Variants in CTNNA2 observed in about 807,000 individuals in gnomAD.
CTNNA2 encodes the protein catenin alpha-2.
A neutral mutation model predicts 101.0 loss-of-function variants in CTNNA2; 42 were observed. The observed-to-expected ratio is 0.42, with a 90% CI of 0.32 to 0.54. The LOEUF (loss-of-function observed/expected upper bound fraction) is 0.54. Ranked by LOEUF, CTNNA2 falls within the 20% of genes least tolerant of loss-of-function variation. The pLI, the probability that CTNNA2 is intolerant of heterozygous loss-of-function variation, is 0.14. For synonymous variants in CTNNA2, 450 were observed against 456.4 expected (o/e 0.99, Z 0.18); for missense variants, 871 against 1,223.1 (o/e 0.71, Z 4.29).
intron 7 of CTNNA2, among the ~76,000 whole-genome samples, chr2:80,356,735 A>C (rs1181590630): frequency 1.3e-5 from 2 of 152,136 alleles, no homozygotes; most frequent in Non-Finnish European, 2.9e-5. Context: ...GGAACCTCCA[A>C]GTATTTTTGT....
At chr2:79,968,686 C>A (rs1004096738) in intron 7 of CTNNA2, among the ~76,000 whole-genome samples, 3 of 152,136 alleles carry the variant, frequency 2.0e-5, no homozygotes, top group Non-Finnish European at 4.4e-5. Context: ...ACAATCCCCC[C>A]ACACAAAATA....
intron 1 of CTNNA2, among the ~76,000 whole-genome samples, chr2:79,604,351 T>A (rs1677745602): frequency 6.6e-6 from 1 of 152,218 alleles, no homozygotes; most frequent in East Asian, 1.9e-4. Context: ...GCCACTAGGC[T>A]TCAATGTACA....
chr2:79,464,016 G>A (rs554300701), intron 4 of CTNNA2, among the ~76,000 whole-genome samples: 2 of 151,822 alleles, frequency 1.3e-5, no homozygotes, highest in African/African-American at 2.4e-5. Flanking sequence ...TAAGTTCTAG[G>A]GTACATTGTG....
In CTNNA2 at chr2:79,925,950, G is replaced by A. The variant is rs116598854; in HGVS notation, c.1056+16153G>A. 7.2e-3 allele frequency among the ~76,000 whole-genome samples: 1,084 copies of A among 151,520 alleles called. 15 individuals carry two copies. Among genetic ancestry groups the A allele is most frequent in the African/African-American group, 0.025 (1,015 of 41,336 alleles). ...GGAGATATGAATTATTTAGATTTTC[G>A]GCCAATCTGTGATAATACTCATGGA... On this transcript the variant is annotated intron_variant, in intron 7 of 18. Transcript: ENST00000402739.
intron 7 of CTNNA2, among the ~76,000 whole-genome samples, chr2:80,392,869 A>G (rs746317231): frequency 1.3e-5 from 2 of 152,204 alleles, no homozygotes; most frequent in Non-Finnish European, 2.9e-5. Context: ...CACAATATAG[A>G]CACACAAAGC....
At chr2:79,742,102 T>G (rs1294032670) in intron 2 of CTNNA2, among the ~76,000 whole-genome samples, 1 of 152,192 alleles carries the variant, frequency 6.6e-6, no homozygotes, top group Admixed American at 6.5e-5. Flanking sequence ...CATGTTTTTC[T>G]TCCCCCCCAC....
At chr2:79,468,698 T>A (rs986433951) in intron 4 of CTNNA2, among the ~76,000 whole-genome samples, 8 of 152,148 alleles carry the variant, frequency 5.3e-5, no homozygotes, top group African/African-American at 1.9e-4. Context: ...CACAGTGCAA[T>A]CAAACTAGCA....
At chr2:79,353,182 G>C (rs917936797) in intron 3 of CTNNA2, among the ~76,000 whole-genome samples, 3 of 152,054 alleles carry the variant, frequency 2.0e-5, no homozygotes, top group Non-Finnish European at 4.4e-5. Flanking sequence ...CAAATATTTT[G>C]GTATGTTGTG....
intron 2 of CTNNA2, among the ~76,000 whole-genome samples, chr2:79,289,796 C>T (rs780493078): frequency 2.0e-5 from 3 of 152,136 alleles, no homozygotes; most frequent in Admixed American, 1.3e-4. Context: ...CTCTGTTTAA[C>T]TCCTTAATGT....
In CTNNA2 at chr2:80,523,842, C is replaced by T. The variant is rs558835443; in HGVS notation, c.1291-21140C>T. 4.2e-4 allele frequency among the ~76,000 whole-genome samples: 64 copies of T among 152,262 alleles called. No individual in the cohort carries two copies. The South Asian group carries it at 0.013, about 31-fold the overall frequency. ...AACCAATCTTGATACAAATTCTTTA[C>T]ACTAATGTGGTAAGATTTCAGAGTA... On this transcript the variant is annotated intron_variant, in intron 9 of 18. Coordinates refer to ENST00000402739, the MANE Select transcript of CTNNA2 (RefSeq NM_001282597.3).
chr2:80,580,217 G>T (rs190994079), intron 13 of CTNNA2, among the ~76,000 whole-genome samples: 1 of 152,158 alleles, frequency 6.6e-6, no homozygotes, highest in African/African-American at 2.4e-5. Flanking sequence ...TAGAAAAAAC[G>T]TTGACAGACA....
At chr2:80,360,484 A>T (rs1254659936) in intron 7 of CTNNA2, among the ~76,000 whole-genome samples, 1 of 152,078 alleles carries the variant, frequency 6.6e-6, no homozygotes, top group African/African-American at 2.4e-5. Context: ...TTATTTTGTA[A>T]AATGGGAGAG....
At chr2:79,329,207 A>G (rs1676815274) in intron 3 of CTNNA2, among the ~76,000 whole-genome samples, 2 of 152,182 alleles carry the variant, frequency 1.3e-5, no homozygotes, top group Non-Finnish European at 2.9e-5. Context: ...TTAAACAGTT[A>G]AGGCCTCAAA....
chr2:79,459,392 A>G (rs1372840950), intron 4 of CTNNA2, among the ~76,000 whole-genome samples: 1 of 151,802 alleles, frequency 6.6e-6, no homozygotes, highest in Non-Finnish European at 1.5e-5. Context: ...GTAAGTAAAA[A>G]GGATTTTTTT....
At chr2:79,486,207 A>G (rs1371533441) in intron 4 of CTNNA2, among the ~76,000 whole-genome samples, 2 of 151,198 alleles carry the variant, frequency 1.3e-5, no homozygotes, top group African/African-American at 4.9e-5. Flanking sequence ...TATATCTCCT[A>G]ATGCTATCCC....
chr2:80,592,800 T>A (rs1041636693), intron 15 of CTNNA2, among the ~76,000 whole-genome samples: 1 of 152,222 alleles, frequency 6.6e-6, no homozygotes, highest in Non-Finnish European at 1.5e-5. Context: ...ACTCAGAATT[T>A]GAATTTTGAA....
At chr2:79,998,110 A>C (rs1478991715) in intron 7 of CTNNA2, among the ~76,000 whole-genome samples, 1 of 152,202 alleles carries the variant, frequency 6.6e-6, no homozygotes, top group Non-Finnish European at 1.5e-5. Context: ...TAAGTTCATT[A>C]GGAATATTAG....
At chr2:80,151,653 G>A (rs563863763) in intron 7 of CTNNA2, among the ~76,000 whole-genome samples, 2 of 152,252 alleles carry the variant, frequency 1.3e-5, no homozygotes, top group African/African-American at 2.4e-5. Flanking sequence ...CTCACCGTAA[G>A]CCCACATAGC....
intron 2 of CTNNA2, among the ~76,000 whole-genome samples, chr2:79,229,978 G>A (rs971358217): frequency 4.6e-5 from 7 of 152,192 alleles, no homozygotes; most frequent in Non-Finnish European, 7.3e-5. Flanking sequence ...TTTCTAAACA[G>A]CAAAGCACTC....
Sources: allele counts gnomAD v4.1 joint callset (sites outside exome capture counted in the v4.1 genomes callset), GRCh38; gene constraint gnomAD v4.1.1; transcripts MANE v1.5; gene names NCBI Gene and HGNC (gene_info 2026-07-23, HGNC 2026-07-21).